The following ITGA6 variants were observed in gnomAD, a reference collection of about 807,000 sequenced individuals.
ITGA6 encodes the protein integrin alpha-6.
ITGA6 carries 63 observed loss-of-function variants against 133.6 expected under a neutral mutation model. That is an observed-to-expected ratio of 0.47 (90% CI 0.38 to 0.58). The LOEUF is 0.58. ITGA6 is among the 20% of genes least tolerant of loss of function. The pLI, the probability that ITGA6 is intolerant of heterozygous loss-of-function variation, is 0.00. For synonymous variants in ITGA6, 434 were observed against 482.0 expected, an observed-to-expected ratio of 0.90 and a Z score of 1.30; for missense variants, 1,068 against 1,309.4, an observed-to-expected ratio of 0.82 and a Z score of 2.85.
chr2:172,485,379 T>C (rs1686622981), intron 13 of ITGA6, 115 bp downstream of exon 13: 1 of 945,880 alleles, frequency 1.1e-6, no homozygotes, highest in South Asian at 1.3e-5. Context: ...TTCTTTTGTG[T>C]TAATATGTTT....
At chr2:172,441,669 G>GT (rs1684550948) in intron 1 of ITGA6, among the ~76,000 whole-genome samples, 1 of 147,074 alleles carries the variant, frequency 6.8e-6, no homozygotes, top group Non-Finnish European at 1.5e-5. Context: ...AATACCCAAT[G>GT]TTTTTGTGAA....
chr2:172,501,535 A>C (rs1242863357), intron 24 of ITGA6, among the ~76,000 whole-genome samples: 2 of 152,240 alleles, frequency 1.3e-5, no homozygotes, highest in African/African-American at 4.8e-5. Flanking sequence ...TTACAAAGAG[A>C]AAAATCAATG....
At chr2:172,429,175 GTTT>G (rs11366206) in intron 1 of ITGA6, among the ~76,000 whole-genome samples, 1 of 147,914 alleles carries the variant, frequency 6.8e-6, no homozygotes. Flanking sequence ...ATTTTAGTCA[GTTT>G]TTTTTTTTTT....
intron 11 of ITGA6, among the ~76,000 whole-genome samples, chr2:172,484,026 G>C (rs368566892): frequency 5.3e-5 from 8 of 152,258 alleles, no homozygotes; most frequent in African/African-American, 1.9e-4. Flanking sequence ...GGTCAGGCTG[G>C]TCTCAAACTC....
Position 172,491,050 on chromosome 2 carries a change from G to T in ITGA6, c.2706G>T (p.Arg902=). The T allele has an allele frequency of 6.3e-7, 1 of 1,584,446 alleles. No individual in the cohort carries two copies. The part of the protein sequence containing the change: ...LTESHNSRKK[R]EITEKQIDDN... Reference sequence around the variant, plus strand: ...AGTCTCACAACTCAAGAAAGAAACGGGAAATTACTGAAAAACAGATAGATG... The same window carrying T: ...AGTCTCACAACTCAAGAAAGAAACGTGAAATTACTGAAAAACAGATAGATG... The change falls in exon 21 of 26, where the codon CGG becomes CGT. Residue 902 remains arginine, a synonymous_variant. Coordinates refer to ENST00000684293, the MANE Select transcript of ITGA6 (RefSeq NM_000210.4). The surrounding 1 kb of genome is among the most constrained non-coding windows in gnomAD (Gnocchi z 4.4).
At position 172,491,007 on chromosome 2, in the gene ITGA6, G is replaced by T. The variant is rs1418163066; in HGVS notation, c.2680-17G>T. ...AATTACATAAATTGGAACTATTTTGGATATAATTTTTTTCAGGAGTCTCAC... is the reference window on the plus strand; with the variant it reads ...AATTACATAAATTGGAACTATTTTGTATATAATTTTTTTCAGGAGTCTCAC... On this transcript the variant is annotated splice_polypyrimidine_tract_variant and intron_variant, in intron 20 of 25. Coordinates refer to ENST00000684293, the MANE Select transcript of ITGA6 (RefSeq NM_000210.4). The surrounding 1 kb of genome is among the most constrained non-coding windows in gnomAD (Gnocchi z 4.4). 3 of 1,219,480 alleles carry T rather than the reference G, an allele frequency of 2.5e-6. No individual in the cohort carries two copies. In the South Asian group the frequency reaches 3.6e-5, roughly 15 times the overall value. The allele number at this position is 1,219,480 out of a possible 1,614,324, so 75.5% of individuals were successfully genotyped here.
intron 11 of ITGA6, 116 bp downstream of exon 11, chr2:172,480,167 G>A (rs1165414121): frequency 8.4e-6 from 6 of 715,854 alleles, no homozygotes; most frequent in Non-Finnish European, 1.5e-5. Flanking sequence ...CAATTCTGGT[G>A]TAAAGAATTA....
At chr2:172,502,344 C>A (rs1687385096) in intron 25 of ITGA6, among the ~76,000 whole-genome samples, 1 of 152,164 alleles carries the variant, frequency 6.6e-6, no homozygotes, top group African/African-American at 2.4e-5. Context: ...CCTAATTAAC[C>A]TGTTGCATGT....
At chr2:172,469,523 T>A in intron 4 of ITGA6, 143 bp downstream of exon 4, 1 of 760,702 alleles carries the variant, frequency 1.3e-6, no homozygotes, top group Middle Eastern at 3.8e-4. Context: ...CTAAATGATA[T>A]GATTTTTAAA....
At chr2:172,446,230 A>G (rs561796629) in intron 1 of ITGA6, among the ~76,000 whole-genome samples, 59 of 152,362 alleles carry the variant, frequency 3.9e-4, no homozygotes, top group Admixed American at 9.8e-4. Flanking sequence ...ATGGTGACCC[A>G]CCAGGTGTGA....
rs10181394 is a variant in ITGA6, at chr2:172,472,723, C to T, written c.776-1332C>T. On this transcript the variant is annotated intron_variant, in intron 5 of 25. Coordinates refer to ENST00000684293, the MANE Select transcript of ITGA6 (RefSeq NM_000210.4). ...CAGCAGTGGCTGTCCTGCCTCTTAC[C>T]AAGCATAATTACTTTTTCTTCAATT... 4.4e-3 allele frequency: 5,322 copies of T among 1,207,770 alleles called. 148 individuals are homozygous for T. In the African/African-American group the frequency reaches 0.068, roughly 16 times the overall value. The allele number at this position is 1,207,770 out of a possible 1,614,324, so 74.8% of individuals were successfully genotyped here.
Position 172,489,642 on chromosome 2 carries a change from A to AT in ITGA6, c.2663_2664insT (p.Ser889LeufsTer18). The AT allele has an allele frequency of 6.2e-7, 1 of 1,613,812 alleles. No homozygotes were observed. The highest frequency in any genetic ancestry group is 8.5e-7 in the Non-Finnish European group (1 of 1,179,770). Reference sequence around the variant, plus strand: ...ACTTGTGAGCCACAAAAGGAGATAAACTCCCTGAACCTAACGGTATGTCGG... The same window carrying AT: ...ACTTGTGAGCCACAAAAGGAGATAAATCTCCCTGAACCTAACGGTATGTCGG... On this transcript the variant is annotated frameshift_variant, in exon 20 of 26. Coordinates refer to ENST00000684293, the MANE Select transcript of ITGA6 (RefSeq NM_000210.4). LOFTEE classifies it high-confidence loss of function.
rs199816853 is a variant in ITGA6 at position 172,487,254 on chromosome 2, T to C, written c.1971-10T>C. ...TTGCCTTTTTGTTCTTGTTTTCTTA[T>C]TTTTAATAGTCAAAAAGGTGTACCA... On this transcript the variant is annotated splice_polypyrimidine_tract_variant and intron_variant, in intron 14 of 25. Transcript: ENST00000684293. 1 of 1,608,596 alleles carries C rather than the reference T, an allele frequency of 6.2e-7. No individual in the cohort carries two copies. The highest frequency in any genetic ancestry group is 2.2e-5 in the East Asian group (1 of 44,846).
At chr2:172,445,027 G>A (rs1207517925) in intron 1 of ITGA6, among the ~76,000 whole-genome samples, 2 of 151,856 alleles carry the variant, frequency 1.3e-5, no homozygotes, top group East Asian at 2.0e-4. Flanking sequence ...GTGCAGTGGC[G>A]GGCTCTTGGC....
At chr2:172,436,563 A>G (rs1310740359) in intron 1 of ITGA6, among the ~76,000 whole-genome samples, 1 of 152,188 alleles carries the variant, frequency 6.6e-6, no homozygotes, top group East Asian at 1.9e-4. Flanking sequence ...TCAATATCAT[A>G]GAATATGTAA....
intron 1 of ITGA6, 76 bp downstream of exon 1, chr2:172,428,046 C>A: frequency 1.4e-6 from 2 of 1,475,246 alleles, no homozygotes; most frequent in African/African-American, 1.5e-5. Context: ...GCGCCCTGTT[C>A]CCGCCGGCCC....
chr2:172,487,201 A>C (rs1385136937), intron 14 of ITGA6, 63 bp downstream of exon 14: 1 of 1,543,194 alleles, frequency 6.5e-7, no homozygotes, highest in African/African-American at 1.4e-5. Context: ...TTGTGTTAAG[A>C]AAGTTTACTG....
Position 172,489,828 on chromosome 2 carries a change from C to T in ITGA6, c.2679+170C>T, listed in dbSNP as rs1686846172. On this transcript the variant is annotated intron_variant, in intron 20 of 25. Coordinates refer to ENST00000684293, the MANE Select transcript of ITGA6 (RefSeq NM_000210.4). ...GTTGGGTAACTGAGGGAGGCTGAGG[C>T]ATTTTTGCTGGTTAATGACCATTAT... 3 of 639,540 alleles carry T rather than the reference C, an allele frequency of 4.7e-6. No homozygotes were observed. In the Admixed American group the frequency reaches 7.8e-5, roughly 17 times the overall value. 39.6% of individuals were successfully genotyped at this position (639,540 alleles called of 1,614,324 possible).
chr2:172,481,942 T>C (rs991977524), intron 11 of ITGA6, among the ~76,000 whole-genome samples: 2 of 152,152 alleles, frequency 1.3e-5, no homozygotes, highest in African/African-American at 4.8e-5. Context: ...CCTTTGCCAG[T>C]GTTTGGAATG....
Sources: allele counts gnomAD v4.1 joint callset (sites outside exome capture counted in the v4.1 genomes callset), GRCh38; gene constraint gnomAD v4.1.1; non-coding constraint Gnocchi (gnomAD v3.1); transcripts MANE v1.5; gene names NCBI Gene and HGNC (gene_info 2026-07-23, HGNC 2026-07-21).